Variants in PCDHGA3 observed in about 807,000 individuals in gnomAD.
The protein encoded by PCDHGA3 is protocadherin gamma subfamily A, 3.
In PCDHGA3, 40 loss-of-function variants were observed where a neutral mutation model predicts 58.5. That is an observed-to-expected ratio of 0.68 (90% CI 0.53 to 0.89). PCDHGA3 has a LOEUF of 0.89. Ranked by LOEUF, PCDHGA3 falls within the 40% of genes least tolerant of loss-of-function variation. The pLI is 0.00. For missense variants in PCDHGA3, 1,223 were observed against 1,195.9 expected (o/e 1.02, Z -0.33); for synonymous variants, 530 against 525.7 (o/e 1.01, Z -0.11).
chr5:141,511,115 A>G lies in PCDHGA3; in HGVS notation c.2741A>G (p.Lys914Arg). 6.2e-7 allele frequency: 1 copy of G among 1,614,214 alleles called. No individual in the cohort carries two copies. Among genetic ancestry groups the G allele is most frequent in the Non-Finnish European group, 8.5e-7 (1 of 1,180,006 alleles). ...AACGCAGCTGGCAAGCGGGATGGCA[A>G]GGCCCCAGCAGGTGGCAATGGCAAC... Reference protein sequence around the residue: ...LTNAAGKRDGKAPAGGNGNKK... With the variant: ...LTNAAGKRDGRAPAGGNGNKK... Residue 914 changes from lysine (K) to arginine (R), a missense_variant, in exon 4 of 4, where the codon AAG becomes AGG. Coordinates refer to ENST00000253812, the MANE Select transcript of PCDHGA3 (RefSeq NM_018916.4).
At chr5:141,438,914 C>T (rs1249997741) in intron 1 of PCDHGA3, among the ~76,000 whole-genome samples, 1 of 151,906 alleles carries the variant, frequency 6.6e-6, no homozygotes, top group Non-Finnish European at 1.5e-5. Flanking sequence ...GATCCACCTG[C>T]CTTGGCCTCC....
chr5:141,404,545 G>A (rs763601254), intron 1 of PCDHGA3: 1 of 1,613,940 alleles, frequency 6.2e-7, no homozygotes, highest in Admixed American at 1.7e-5. Context: ...TGCAAATGCA[G>A]GTGACGGCAA....
chr5:141,383,123 T>C, intron 1 of PCDHGA3: 1 of 1,614,066 alleles, frequency 6.2e-7, no homozygotes, highest in Non-Finnish European at 8.5e-7. Context: ...ACGCAGCTTT[T>C]CGCCCTGAAC....
intron 1 of PCDHGA3, chr5:141,423,357 C>T: frequency 6.2e-7 from 1 of 1,614,214 alleles, no homozygotes; most frequent in Non-Finnish European, 8.5e-7. Context: ...TCTTTGTCAT[C>T]GTGCTGCTGG....
chr5:141,374,644 T>C (rs767129187), intron 1 of PCDHGA3: 85 of 1,612,642 alleles, frequency 5.3e-5, no homozygotes, highest in Middle Eastern at 3.3e-4. Context: ...GCGAAGCCCA[T>C]GGGCCCAAGT....
intron 1 of PCDHGA3, chr5:141,389,708 G>A: frequency 6.2e-7 from 1 of 1,612,610 alleles, no homozygotes; most frequent in South Asian, 1.1e-5. Context: ...ACGTGCTGCA[G>A]GCTAGCGAGC....
At chr5:141,503,836 A>G (rs1260399957) in intron 2 of PCDHGA3, among the ~76,000 whole-genome samples, 4 of 152,142 alleles carry the variant, frequency 2.6e-5, no homozygotes, top group Admixed American at 6.5e-5. Flanking sequence ...AAAAGCAGGG[A>G]CAGACCTTGG....
chr5:141,356,894 C>T (rs777988497), intron 1 of PCDHGA3: 1 of 1,614,096 alleles, frequency 6.2e-7, no homozygotes, highest in African/African-American at 1.3e-5. Flanking sequence ...ATCCTGTACC[C>T]CACCTTCCCT....
intron 1 of PCDHGA3, chr5:141,371,396 GAT>G (rs1767721375): frequency 6.2e-7 from 1 of 1,613,880 alleles, no homozygotes; most frequent in Non-Finnish European, 8.5e-7. Context: ...GTAAAGTACA[GAT>G]AGATATTTCA....
intron 1 of PCDHGA3, chr5:141,372,532 T>C (rs2150008229): frequency 6.2e-7 from 1 of 1,614,022 alleles, no homozygotes; most frequent in South Asian, 1.1e-5. Context: ...GCAATCTCCC[T>C]GCGCCTGCGA....
At chr5:141,366,042 G>A (rs1221134506) in intron 1 of PCDHGA3, 5 of 1,614,242 alleles carry the variant, frequency 3.1e-6, no homozygotes, top group Non-Finnish European at 4.2e-6. Flanking sequence ...CCCACAGACG[G>A]TTCCACGGGC....
At chr5:141,457,607 T>C (rs578113551) in intron 1 of PCDHGA3, among the ~76,000 whole-genome samples, 2 of 152,360 alleles carry the variant, frequency 1.3e-5, no homozygotes, top group African/African-American at 4.8e-5. Context: ...AAACTAATTA[T>C]GAATGAACTT....
At chr5:141,418,068 C>T (rs1292846589) in intron 1 of PCDHGA3, 4 of 1,614,002 alleles carry the variant, frequency 2.5e-6, no homozygotes, top group Non-Finnish European at 3.4e-6. Flanking sequence ...CGAGTGAGCG[C>T]GGAGAAGCTG....
chr5:141,389,504 C>A (rs564944158), intron 1 of PCDHGA3: 1 of 1,613,088 alleles, frequency 6.2e-7, no homozygotes, highest in African/African-American at 1.3e-5. Flanking sequence ...CGCCAGCGCT[C>A]AGCGCGAACG....
At position 141,403,415 on chromosome 5, in the gene PCDHGA3, C is replaced by T. The variant is rs770058522; in HGVS notation, c.2424+56958C>T. 6.8e-6 allele frequency: 11 copies of T among 1,614,046 alleles called. No individual in the cohort carries two copies. The South Asian group carries it at 1.2e-4, about 18-fold the overall frequency. ...GGTTCCTGGAGCACGTTATCCACTT[C>T]CAGAAGCTATTGATCCGGATGTTGG... On this transcript the variant is annotated intron_variant, in intron 1 of 3. Coordinates refer to ENST00000253812, the MANE Select transcript of PCDHGA3 (RefSeq NM_018916.4).
chr5:141,370,423 C>T, intron 1 of PCDHGA3: 1 of 1,586,808 alleles, frequency 6.3e-7, no homozygotes, highest in African/African-American at 1.3e-5. Context: ...TGGAGGGGCC[C>T]AGCAGGGCAG....
chr5:141,346,155 G>T lies in PCDHGA3; in HGVS notation c.2122G>T (p.Val708Phe). ...GGTCTCCTGCGTCTTCCTGGCCTTC[G>T]TCATCGTGCTGCTGGCGCTCAGGCT... ...AAVSCVFLAFVIVLLALRLRR... is the reference protein window; with the variant it reads ...AAVSCVFLAFFIVLLALRLRR... Residue 708 changes from valine to phenylalanine, a missense_variant, in exon 1 of 4, where the codon GTC becomes TTC. Physicochemically the swap from Val to Phe is conservative, Grantham distance 50. This residue lies in a region of PCDHGA3 where 325 missense variants were observed against 327.5 expected (regional missense o/e 0.99). Coordinates refer to ENST00000253812, the MANE Select transcript of PCDHGA3 (RefSeq NM_018916.4). 2 of 1,613,870 alleles carry T rather than the reference G, an allele frequency of 1.2e-6. No individual in the cohort carries two copies. The highest frequency in any genetic ancestry group is 1.7e-6 in the Non-Finnish European group (2 of 1,179,946).
chr5:141,374,573 A>T (rs1319007072), intron 1 of PCDHGA3: 15 of 1,613,740 alleles, frequency 9.3e-6, no homozygotes, highest in Non-Finnish European at 1.3e-5. Context: ...TGATGTGGGA[A>T]TGAACTCCCT....
At chr5:141,404,476 C>G (rs1453332441) in intron 1 of PCDHGA3, 3 of 1,613,362 alleles carry the variant, frequency 1.9e-6, no homozygotes, top group Non-Finnish European at 2.5e-6. Context: ...TCTCTATTAA[C>G]TCAGACACTG....
Sources: gnomAD v4.1 joint callset for allele counts (sites outside exome capture counted in the v4.1 genomes callset) on GRCh38, gnomAD v4.1.1 for gene constraint, gnomAD v4.1.1 regional missense constraint, MANE v1.5 for transcripts, NCBI Gene and HGNC (gene_info 2026-07-23, HGNC 2026-07-21) for gene names.